The following ARHGAP32 variants were observed in gnomAD, a reference collection of about 807,000 sequenced individuals.
ARHGAP32 encodes rho GTPase-activating protein 32.
ARHGAP32 carries 51 observed loss-of-function variants against 186.5 expected under a neutral mutation model. The observed-to-expected ratio is 0.27, with a 90% CI of 0.22 to 0.35. The LOEUF (loss-of-function observed/expected upper bound fraction) is 0.35. Among genes scored for constraint, ARHGAP32 ranks in the 10% least tolerant of loss-of-function variants. The pLI is 1.00. For missense variants in ARHGAP32, 2,186 were observed against 2,623.5 expected (o/e 0.83, Z 3.64); for synonymous variants, 950 against 964.3 (o/e 0.99, Z 0.27).
chr11:129,053,771 A>G (rs1407238955), intron 10 of ARHGAP32, among the ~76,000 whole-genome samples: 2 of 152,208 alleles, frequency 1.3e-5, no homozygotes, highest in Admixed American at 1.3e-4. Flanking sequence ...GCATTATCAC[A>G]TAATTCCCCT....
intron 11 of ARHGAP32, among the ~76,000 whole-genome samples, chr11:129,035,560 C>T (rs757249692): frequency 3.9e-5 from 6 of 152,196 alleles, no homozygotes; most frequent in Non-Finnish European, 5.9e-5. Context: ...TAAGAATGTA[C>T]ATTTTGGCTG....
intron 1 of ARHGAP32, among the ~76,000 whole-genome samples, chr11:129,276,154 A>G (rs762724825): frequency 4.4e-4 from 67 of 152,364 alleles, no homozygotes; most frequent in Non-Finnish European, 8.1e-4. Context: ...TCACAGTCTC[A>G]ATAAATTTGA....
intron 12 of ARHGAP32, among the ~76,000 whole-genome samples, chr11:128,991,157 C>T (rs1460506998): frequency 6.6e-6 from 1 of 152,060 alleles, no homozygotes; most frequent in Non-Finnish European, 1.5e-5. Context: ...AGTAGGAAAA[C>T]ATTGAAAATA....
intron 6 of ARHGAP32, among the ~76,000 whole-genome samples, chr11:129,078,782 C>A (rs1022124808): frequency 2.6e-5 from 4 of 152,070 alleles, no homozygotes; most frequent in South Asian, 2.1e-4. Context: ...CGTGAGCCAC[C>A]GTACCCGGCC....
Position 129,013,999 on chromosome 11 carries a change from AC to A in ARHGAP32, c.1046-15532del, listed in dbSNP as rs1347846613. On this transcript the variant is annotated intron_variant, in intron 11 of 22. Coordinates refer to ENST00000682385, the MANE Select transcript of ARHGAP32 (RefSeq NM_001378024.1). ...CCACCAAACATCCTGGATTAGAGACACTAAAATGATACCAATGGTATTTCCA... is the reference window on the plus strand; with the variant it reads ...CCACCAAACATCCTGGATTAGAGACATAAAATGATACCAATGGTATTTCCA... Among the ~76,000 whole-genome samples, 3 of 152,358 alleles carry A rather than the reference AC, an allele frequency of 2.0e-5. No individual in the cohort carries two copies. In the East Asian group the frequency reaches 5.8e-4, roughly 29 times the overall value.
chr11:129,106,409 A>G (rs745935623), intron 5 of ARHGAP32, among the ~76,000 whole-genome samples: 2 of 152,158 alleles, frequency 1.3e-5, no homozygotes, highest in Admixed American at 6.5e-5. Context: ...GCCTAAGCAA[A>G]TTAACACAGG....
chr11:129,129,124 G>C (rs1208877686), intron 2 of ARHGAP32, among the ~76,000 whole-genome samples: 4 of 151,130 alleles, frequency 2.6e-5, no homozygotes, highest in African/African-American at 9.7e-5. Context: ...CCGCGACCCC[G>C]TCTGGGAACT....
intron 6 of ARHGAP32, among the ~76,000 whole-genome samples, chr11:129,069,770 TC>T (rs1940812185): frequency 6.6e-6 from 1 of 152,114 alleles, no homozygotes; most frequent in East Asian, 1.9e-4. Flanking sequence ...GTACAATTAT[TC>T]CATGGTATTA....
At chr11:129,065,094 T>A (rs148888374) in intron 7 of ARHGAP32, among the ~76,000 whole-genome samples, 161 bp from the exon 8 acceptor site, 2 of 152,268 alleles carry the variant, frequency 1.3e-5, no homozygotes, top group East Asian at 3.9e-4. Flanking sequence ...TATGGGCACT[T>A]ACATAGCAAG....
chr11:129,085,400 C>CT (rs1941356897), intron 6 of ARHGAP32, among the ~76,000 whole-genome samples: 1 of 152,074 alleles, frequency 6.6e-6, no homozygotes, highest in African/African-American at 2.4e-5. Flanking sequence ...AGCTATATAT[C>CT]TAACAAAATA....
At chr11:129,110,153 T>C (rs1253480424) in intron 5 of ARHGAP32, among the ~76,000 whole-genome samples, 1 of 152,178 alleles carries the variant, frequency 6.6e-6, no homozygotes, top group Non-Finnish European at 1.5e-5. Context: ...TTCATTCTTC[T>C]ACATGTGGAC....
chr11:129,243,765 G>A (rs1233948953), intron 1 of ARHGAP32, among the ~76,000 whole-genome samples: 1 of 151,962 alleles, frequency 6.6e-6, no homozygotes, highest in East Asian at 1.9e-4. Flanking sequence ...GCCATTATCA[G>A]AATTTTACCT....
intron 1 of ARHGAP32, among the ~76,000 whole-genome samples, chr11:129,185,518 G>A (rs1224285985): frequency 6.6e-6 from 1 of 152,090 alleles, no homozygotes; most frequent in South Asian, 2.1e-4. Flanking sequence ...GAGTTACTGG[G>A]TGTAGCACAC....
intron 15 of ARHGAP32, among the ~76,000 whole-genome samples, chr11:128,983,492 T>C (rs1945771047): frequency 1.4e-5 from 2 of 141,940 alleles, no homozygotes; most frequent in African/African-American, 5.3e-5. Flanking sequence ...CGGGGCCTGT[T>C]GTGGGGTGGG....
chr11:128,972,761 G>A lies in ARHGAP32; in HGVS notation c.3745C>T (p.Pro1249Ser), dbSNP rs752452811. 6 of 1,613,974 alleles carry A rather than the reference G, an allele frequency of 3.7e-6. No individual in the cohort carries two copies. Among genetic ancestry groups the A allele is most frequent in the Non-Finnish European group, 5.1e-6 (6 of 1,180,006 alleles). The change falls in exon 22 of 23, where the codon CCC (proline) becomes TCC (serine). Residue 1249 changes from proline to serine, a missense_variant. Pro to Ser is a moderately conservative substitution (Grantham distance 74). Around this residue, in one of 5 missense-constraint regions of ARHGAP32, gnomAD observed 1,502 missense variants for 1,570.0 expected, o/e 0.96. Coordinates refer to ENST00000682385, the MANE Select transcript of ARHGAP32 (RefSeq NM_001378024.1). ...HHPLEFADKS[P>S]TPPNLPSDKI... is the part of the protein sequence containing the mutation. The stretch of plus-strand genomic sequence containing the variant: ...TCGCTAGGTAAATTAGGAGGTGTGG[G>A]AGATTTGTCTGCAAATTCTAAAGGG...
chr11:129,127,953 T>A (rs554779691), intron 2 of ARHGAP32, among the ~76,000 whole-genome samples: 2 of 152,338 alleles, frequency 1.3e-5, no homozygotes, highest in African/African-American at 4.8e-5. Context: ...TCTATGTGTC[T>A]ATCTCTAGCA....
chr11:129,219,500 G>A (rs1944686582), intron 1 of ARHGAP32, among the ~76,000 whole-genome samples: 1 of 152,040 alleles, frequency 6.6e-6, no homozygotes, highest in African/African-American at 2.4e-5. Flanking sequence ...TCTGAGATCT[G>A]TCATGCAATT....
At chr11:129,248,189 T>C (rs1490694405) in intron 1 of ARHGAP32, among the ~76,000 whole-genome samples, 2 of 142,992 alleles carry the variant, frequency 1.4e-5, no homozygotes, top group East Asian at 2.0e-4. Flanking sequence ...CAGGCACCTG[T>C]AGTCCCAGCT....
At chr11:129,100,095 CT>C (rs1314710339) in intron 5 of ARHGAP32, among the ~76,000 whole-genome samples, 3 of 152,154 alleles carry the variant, frequency 2.0e-5, no homozygotes, top group Non-Finnish European at 4.4e-5. Context: ...GGGAGAGCTT[CT>C]TAGAGAAGTG....
Sources: allele counts gnomAD v4.1 joint callset (sites outside exome capture counted in the v4.1 genomes callset), GRCh38; gene constraint gnomAD v4.1.1; regional missense constraint gnomAD v4.1.1; transcripts MANE v1.5; gene names NCBI Gene and HGNC (gene_info 2026-07-23, HGNC 2026-07-21).